RASA2: variants seen among roughly 807,000 people sequenced by gnomAD.
RASA2 encodes ras GTPase-activating protein 2.
RASA2 carries 155 observed loss-of-function variants against 118.2 expected under a neutral mutation model. The ratio of observed to expected loss-of-function variants is 1.31; its 90% CI spans 1.15 to 1.50. RASA2 has a LOEUF of 1.50. Among genes scored for constraint, RASA2 ranks in the 40% most tolerant of loss-of-function variants. The pLI, the probability that RASA2 is intolerant of heterozygous loss-of-function variation, is 0.00. For synonymous variants in RASA2, 353 were observed against 349.1 expected, an observed-to-expected ratio of 1.01 and a Z score of -0.12; for missense variants, 1,016 against 1,009.6, an observed-to-expected ratio of 1.01 and a Z score of -0.09.
At chr3:141,586,600 A>G (rs1426994506) in intron 18 of RASA2, 46 bp from the exon 19 acceptor site, 1 of 1,344,312 alleles carries the variant, frequency 7.4e-7, no homozygotes, top group East Asian at 2.3e-5. Context: ...TTTTGGATTA[A>G]CTTTTAATTT....
chr3:141,546,148 T>C (rs910129174), intron 5 of RASA2, among the ~76,000 whole-genome samples: 2 of 152,226 alleles, frequency 1.3e-5, no homozygotes, highest in Admixed American at 6.5e-5. Context: ...CTATTGTGAA[T>C]AGTGCCACAG....
At chr3:141,492,655 A>ATTGC (rs1244902709) in intron 1 of RASA2, among the ~76,000 whole-genome samples, 1 of 152,180 alleles carries the variant, frequency 6.6e-6, no homozygotes, top group East Asian at 1.9e-4. Flanking sequence ...CATTTTGATT[A>ATTGC]TTGCTTTTTA....
intron 5 of RASA2, among the ~76,000 whole-genome samples, chr3:141,543,332 C>T (rs900926901): frequency 6.6e-6 from 1 of 151,982 alleles, no homozygotes; most frequent in African/African-American, 2.4e-5. Flanking sequence ...AATCCCTTTA[C>T]CCTCCCCCAT....
At chr3:141,534,375 G>C (rs188299577) in intron 4 of RASA2, among the ~76,000 whole-genome samples, 87 of 152,146 alleles carry the variant, frequency 5.7e-4, no homozygotes, top group Admixed American at 2.1e-3. Context: ...TCTTTATAGG[G>C]GGGGGAAAAA....
At chr3:141,601,311 C>T (rs2083459270) in intron 19 of RASA2, among the ~76,000 whole-genome samples, 1 of 152,016 alleles carries the variant, frequency 6.6e-6, no homozygotes, top group African/African-American at 2.4e-5. Context: ...GCTGTAATCC[C>T]AGCTACTCAG....
At chr3:141,556,651 A>G (rs2082654344) in intron 7 of RASA2, among the ~76,000 whole-genome samples, 1 of 152,168 alleles carries the variant, frequency 6.6e-6, no homozygotes, top group Admixed American at 6.5e-5. Context: ...AAAAAAAATC[A>G]AACTCTCAAA....
intron 3 of RASA2, among the ~76,000 whole-genome samples, chr3:141,523,435 C>T (rs141494487): frequency 6.4e-4 from 98 of 152,286 alleles, no homozygotes; most frequent in Admixed American, 1.0e-3. Flanking sequence ...TGACCACTGC[C>T]TCCTCCCAGT....
intron 4 of RASA2, among the ~76,000 whole-genome samples, chr3:141,530,047 T>G (rs1003422528): frequency 2.6e-5 from 4 of 152,116 alleles, no homozygotes; most frequent in Non-Finnish European, 5.9e-5. Context: ...CTTTCTTACC[T>G]TCTGTTTGAG....
intron 5 of RASA2, among the ~76,000 whole-genome samples, chr3:141,549,238 T>G (rs2082533786): frequency 6.6e-6 from 1 of 152,226 alleles, no homozygotes. Flanking sequence ...CTCTACTTAA[T>G]GAGTTTTGCT....
chr3:141,494,565 C>T (rs2081677392), intron 1 of RASA2, among the ~76,000 whole-genome samples: 1 of 152,120 alleles, frequency 6.6e-6, no homozygotes, highest in South Asian at 2.1e-4. Flanking sequence ...GACGGGGTTT[C>T]ACCATGTTGG....
Position 141,557,853 on chromosome 3 carries a change from C to T in RASA2, c.685-1033C>T, listed in dbSNP as rs146323159. On this transcript the variant is annotated intron_variant, in intron 7 of 23. Coordinates refer to ENST00000286364, the MANE Select transcript of RASA2 (RefSeq NM_006506.5). ...AAAGGAAGTAGTTGAATGCTGCCCC[C>T]AAGGTTCCAAATCTGGAAAAATAGA... 2.7e-3 allele frequency among the ~76,000 whole-genome samples: 405 copies of T among 152,138 alleles called. 1 individual carries two copies. The highest frequency in any genetic ancestry group is 9.3e-3 in the African/African-American group (387 of 41,516).
intron 17 of RASA2, among the ~76,000 whole-genome samples, chr3:141,582,962 T>C (rs2083139881): frequency 1.3e-5 from 2 of 152,128 alleles, no homozygotes; most frequent in African/African-American, 4.8e-5. Flanking sequence ...CTTTTAAGAG[T>C]GAAAAATACT....
rs1236017718 is a variant in RASA2, at chr3:141,607,752, A to C, written c.2008A>C (p.Lys670Gln). The C allele has an allele frequency of 6.3e-7, 1 of 1,590,318 alleles. No homozygotes were observed. The change falls in exon 20 of 24, where the codon AAG becomes CAG. Residue 670 changes from lysine (K) to glutamine (Q), a missense_variant. By Grantham distance (53) the Lys-to-Gln change is moderately conservative. Coordinates refer to ENST00000286364, the MANE Select transcript of RASA2 (RefSeq NM_006506.5). The stretch of plus-strand genomic sequence containing the variant: ...AAAACTGGAAGAGAGCTCTTTCAAC[A>C]AGAAAAATGTAAGTTATGTAAATAA... ...VEKLEESSFNKKNMFQVIHTE... is the reference protein window; with the variant it reads ...VEKLEESSFNQKNMFQVIHTE...
At chr3:141,538,977 A>T (rs1317041816) in intron 4 of RASA2, among the ~76,000 whole-genome samples, 1 of 152,198 alleles carries the variant, frequency 6.6e-6, no homozygotes, top group Non-Finnish European at 1.5e-5. Context: ...CCTGAGAGAC[A>T]GTTGTGTTAG....
Position 141,573,858 on chromosome 3 carries a change from T to G in RASA2, c.1360-86T>G, listed in dbSNP as rs562569880. On this transcript the variant is annotated intron_variant, in intron 13 of 23. Transcript: ENST00000286364. ...TTAGATAGTGACTGTCTAATAAACC[T>G]CATTTTCTTACATTTTTCTTTCATG... 28 of 1,201,644 alleles carry G rather than the reference T, an allele frequency of 2.3e-5. No individual in the cohort carries two copies. The African/African-American group carries it at 4.0e-4, about 17-fold the overall frequency. 74.4% of individuals were successfully genotyped at this position (1,201,644 alleles called of 1,614,324 possible). A position where few individuals can be genotyped will look rare whatever the true frequency, so the allele number is the denominator to read the frequency against.
Position 141,598,976 on chromosome 3 carries a change from T to TA in RASA2, c.1934-8701dup, listed in dbSNP as rs200674924. ...CGTGGTGCATGCCTGTAATCCCAGT[T>TA]ACTCGGGAGGCTGAGACAGGAGAAT... On this transcript the variant is annotated intron_variant, in intron 19 of 23. Coordinates refer to ENST00000286364, the MANE Select transcript of RASA2 (RefSeq NM_006506.5). 6.4e-3 allele frequency among the ~76,000 whole-genome samples: 972 copies of TA among 152,100 alleles called. 13 individuals are homozygous for TA. Among genetic ancestry groups the TA allele is most frequent in the African/African-American group, 0.022 (933 of 41,502 alleles).
chr3:141,506,121 A>G (rs1036171517), intron 1 of RASA2, among the ~76,000 whole-genome samples: 1 of 152,272 alleles, frequency 6.6e-6, no homozygotes, highest in Non-Finnish European at 1.5e-5. Context: ...AATGTACACT[A>G]GAAAAGTGCT....
chr3:141,599,045 G>A (rs1032946314), intron 19 of RASA2, among the ~76,000 whole-genome samples: 5 of 151,990 alleles, frequency 3.3e-5, no homozygotes, highest in Admixed American at 2.0e-4. Context: ...CCGAGATCGC[G>A]CCACTGCACT....
intron 6 of RASA2, 40 bp from the exon 7 acceptor site, chr3:141,555,800 G>A (rs756756079): frequency 6.5e-7 from 1 of 1,547,808 alleles, no homozygotes; most frequent in South Asian, 1.1e-5. Context: ...ATTGTGTACT[G>A]TTAAGTTCTA....
Sources: allele counts gnomAD v4.1 joint callset (sites outside exome capture counted in the v4.1 genomes callset), GRCh38; gene constraint gnomAD v4.1.1; transcripts MANE v1.5; gene names NCBI Gene and HGNC (gene_info 2026-07-23, HGNC 2026-07-21).